RPS12: variants seen among roughly 807,000 people sequenced by gnomAD.
The protein encoded by RPS12 is small ribosomal subunit protein eS12.
Under a neutral mutation model 17.2 loss-of-function variants are expected in RPS12, and 1 was observed. That is an observed-to-expected ratio of 0.06 (90% confidence interval 0.02 to 0.28). The LOEUF (loss-of-function observed/expected upper bound fraction) is 0.28. RPS12 is among the 10% of genes least tolerant of loss of function. The pLI, the probability that RPS12 is intolerant of heterozygous loss-of-function variation, is 1.00. For missense variants in RPS12, 146 were observed against 162.1 expected, an observed-to-expected ratio of 0.90 and a Z score of 0.54; for synonymous variants, 67 against 54.0, an observed-to-expected ratio of 1.24 and a Z score of -1.06.
rs925443519 is a variant in RPS12 at position 132,814,596 on chromosome 6, C to T, written c.-55C>T. 2.8e-5 allele frequency: 23 copies of T among 816,432 alleles called. 1 individual carries two copies. Among genetic ancestry groups the T allele is most frequent in the Middle Eastern group, 4.6e-4 (2 of 4,338 alleles). The allele number at this position is 816,432 out of a possible 1,614,324, so 50.6% of individuals were successfully genotyped here. On this transcript the variant is annotated 5_prime_UTR_variant, in exon 1 of 6. Coordinates refer to ENST00000230050, the MANE Select transcript of RPS12 (RefSeq NM_001016.4). ...CTTTCCCTGCCGCCGCCGAGTCGCG[C>T]GGAGGCGGAGGCTTGGGGTAAGTTG... is the stretch of plus-strand genomic sequence containing the variant.
At chr6:132,814,884 C>A (rs535195650) in intron 2 of RPS12, 88 bp from the exon 3 acceptor site, 2 of 1,416,544 alleles carry the variant, frequency 1.4e-6, no homozygotes, top group Non-Finnish European at 2.0e-6. Flanking sequence ...GCCGTAAGCG[C>A]GTCTGTTGTA....
chr6:132,817,248 T>G (rs202199399), intron 5 of RPS12, 187 bp downstream of exon 5: 3 of 772,574 alleles, frequency 3.9e-6, no homozygotes, highest in Admixed American at 1.7e-5. Flanking sequence ...CTTACCTGAT[T>G]GTGTTTGTGC....
chr6:132,816,820 T>G, intron 4 of RPS12, 140 bp from the exon 5 acceptor site: 4 of 775,890 alleles, frequency 5.2e-6, no homozygotes, highest in Non-Finnish European at 2.3e-6. Flanking sequence ...TGATGACAAC[T>G]GGCTCCCTCT....
chr6:132,814,887 C>G, intron 2 of RPS12, 85 bp from the exon 3 acceptor site: 1 of 1,404,946 alleles, frequency 7.1e-7, no homozygotes, highest in Non-Finnish European at 1.0e-6. Context: ...GTAAGCGCGT[C>G]TGTTGTACAC....
chr6:132,817,280 A>G (rs1249843975), intron 5 of RPS12, 200 bp from the exon 6 acceptor site: 1 of 772,408 alleles, frequency 1.3e-6, no homozygotes, highest in South Asian at 1.4e-5. Flanking sequence ...AAAAACTGGC[A>G]ATAGTAAAGC....
At chr6:132,816,091 C>T (rs1352898981) in intron 3 of RPS12, 2 of 373,882 alleles carry the variant, frequency 5.3e-6, no homozygotes, top group African/African-American at 2.1e-5. Context: ...CCCTCGTCTT[C>T]CCAAAGTGCT....
chr6:132,815,846 C>CTTT (rs557381189), intron 3 of RPS12: 10 of 380,392 alleles, frequency 2.6e-5, no homozygotes, highest in Admixed American at 6.7e-5. Context: ...TTTCTTTTTT[C>CTTT]TTTTTTTTTT....
chr6:132,816,145 T>G, intron 3 of RPS12: 1 of 428,062 alleles, frequency 2.3e-6, no homozygotes, highest in Admixed American at 3.7e-5. Flanking sequence ...TTCACATGTT[T>G]CTTTAGGTAT....
chr6:132,816,408 G>T, intron 3 of RPS12, 53 bp from the exon 4 acceptor site: 2 of 1,361,354 alleles, frequency 1.5e-6, no homozygotes, highest in Non-Finnish European at 1.0e-6. Flanking sequence ...ATGCAAGAAT[G>T]ATGGATTTGG....
chr6:132,816,808 CATG>C (rs750644094), intron 4 of RPS12, 149 bp from the exon 5 acceptor site: 7 of 772,418 alleles, frequency 9.1e-6, no homozygotes, highest in Admixed American at 1.7e-5. Context: ...TAGTGCTGTA[CATG>C]ATGACAACTG....
chr6:132,814,791 AGGGGCC>A lies in RPS12; in HGVS notation c.14+14_14+19del. 6.2e-7 allele frequency: 1 copy of A among 1,612,464 alleles called. No individual in the cohort carries two copies. The highest frequency in any genetic ancestry group is 8.5e-7 in the Non-Finnish European group (1 of 1,178,680). ...GCCATGGCCGAGGAAGGGTGAGCCC[AGGGGCC>A]GGGGTTGGAGTTGGGGTCGGGGTGC... On this transcript the variant is annotated intron_variant, in intron 2 of 5. Transcript: ENST00000230050.
In RPS12 at chr6:132,814,793, G is replaced by T; in HGVS notation, c.14+11G>T. ...CATGGCCGAGGAAGGGTGAGCCCAG[G>T]GGCCGGGGTTGGAGTTGGGGTCGGG... On this transcript the variant is annotated intron_variant, in intron 2 of 5. Coordinates refer to ENST00000230050, the MANE Select transcript of RPS12 (RefSeq NM_001016.4). The T allele has an allele frequency of 5.6e-6, 9 of 1,612,824 alleles. No homozygotes were observed. Among genetic ancestry groups the T allele is most frequent in the Non-Finnish European group, 7.6e-6 (9 of 1,178,950 alleles).
chr6:132,814,979 G>A lies in RPS12; in HGVS notation c.22G>A (p.Ala8Thr), dbSNP rs189654161. 1.2e-6 allele frequency: 2 copies of A among 1,607,368 alleles called. No individual in the cohort carries two copies. Among genetic ancestry groups the A allele is most frequent in the Non-Finnish European group, 1.7e-6 (2 of 1,173,896 alleles). The part of the protein sequence containing the change: MAEEGIA[A>T]GGVMDVNTAL... ...TGATGTGTCGCGTTTAAGCATTGCTGCTGGAGGTGTAATGGACGTTAATAC... is the reference window on the plus strand; with the variant it reads ...TGATGTGTCGCGTTTAAGCATTGCTACTGGAGGTGTAATGGACGTTAATAC... Residue 8 changes from alanine to threonine, a missense_variant, in exon 3 of 6, where the codon GCT becomes ACT. Physicochemically the swap from Ala to Thr is moderately conservative, Grantham distance 58 (BLOSUM62 0). Around this residue, in one of 2 missense-constraint regions of RPS12, gnomAD observed 117 missense variants for 104.6 expected, o/e 1.12. Transcript: ENST00000230050.
Position 132,815,025 on chromosome 6 carries a change from A to C in RPS12, c.68A>C (p.Lys23Thr). The C allele has an allele frequency of 6.2e-7, 1 of 1,613,894 alleles. No homozygotes were observed. The highest frequency in any genetic ancestry group is 8.5e-7 in the Non-Finnish European group (1 of 1,179,840). The change falls in exon 3 of 6, where the codon AAG becomes ACG. Residue 23 changes from lysine to threonine, a missense_variant. Transcript: ENST00000230050. ...DVNTALQEVL[K>T]TALIHDGLAR... The stretch of plus-strand genomic sequence containing the variant: ...AATACTGCTTTACAAGAGGTTCTGA[A>C]GACTGCCCTCATCCACGATGGCCTA...
rs1432872044 is a variant in RPS12 at position 132,816,515 on chromosome 6, C to A, written c.186C>A (p.Val62=). 6.2e-7 allele frequency: 1 copy of A among 1,605,902 alleles called. No individual in the cohort carries two copies. Among genetic ancestry groups the A allele is most frequent in the South Asian group, 1.1e-5 (1 of 91,078 alleles). Residue 62 remains valine, a synonymous_variant, in exon 4 of 6, where the codon GTC becomes GTA. Coordinates refer to ENST00000230050, the MANE Select transcript of RPS12 (RefSeq NM_001016.4). ...CCAACTGTGATGAGCCTATGTATGT[C>A]AAGTTGGTGGAGGCCCTTTGTGCTG... The part of the protein sequence containing the change: ...LASNCDEPMY[V]KLVEALCAEH...
In RPS12 at chr6:132,816,020, C is replaced by T. The variant is rs73624547; in HGVS notation, c.132-441C>T. On this transcript the variant is annotated intron_variant, in intron 3 of 5. Transcript: ENST00000230050. The stretch of plus-strand genomic sequence containing the variant: ...CTAGTTTTTGTACTTTCAGTAGAAA[C>T]GGGGTTTCGCCATGTTGGTCTCTGG... The T allele has an allele frequency of 7.2e-6, 3 of 417,422 alleles. No individual in the cohort carries two copies. In the East Asian group the frequency reaches 2.1e-4, roughly 30 times the overall value. 25.9% of individuals were successfully genotyped at this position (417,422 alleles called of 1,614,324 possible). A position where few individuals can be genotyped will look rare whatever the true frequency, so the allele number is the denominator to read the frequency against.
rs1223928734 is a variant in RPS12 at position 132,814,595 on chromosome 6, G to C, written c.-56G>C. The C allele has an allele frequency of 4.9e-6, 4 of 811,770 alleles. No individual in the cohort carries two copies. In the African/African-American group the frequency reaches 6.8e-5, roughly 14 times the overall value. The allele number at this position is 811,770 out of a possible 1,614,324, so 50.3% of individuals were successfully genotyped here. Reference sequence around the variant, plus strand: ...TCTTTCCCTGCCGCCGCCGAGTCGCGCGGAGGCGGAGGCTTGGGGTAAGTT... The same window carrying C: ...TCTTTCCCTGCCGCCGCCGAGTCGCCCGGAGGCGGAGGCTTGGGGTAAGTT... On this transcript the variant is annotated 5_prime_UTR_variant, in exon 1 of 6. Coordinates refer to ENST00000230050, the MANE Select transcript of RPS12 (RefSeq NM_001016.4).
At chr6:132,814,804 G>C in intron 2 of RPS12, 22 bp downstream of exon 2, 1 of 1,609,254 alleles carries the variant, frequency 6.2e-7, no homozygotes, top group Non-Finnish European at 8.5e-7. Flanking sequence ...GGCCGGGGTT[G>C]GAGTTGGGGT....
chr6:132,817,133 TGAG>T (rs1782080959), intron 5 of RPS12, 72 bp downstream of exon 5: 1 of 991,036 alleles, frequency 1.0e-6, no homozygotes, highest in Non-Finnish European at 1.6e-6. Flanking sequence ...TGAAATAAGT[TGAG>T]GATCTTATAA....
Sources: gnomAD v4.1 joint callset for allele counts on GRCh38, gnomAD v4.1.1 for gene constraint, gnomAD v4.1.1 regional missense constraint, MANE v1.5 for transcripts, NCBI Gene and HGNC (gene_info 2026-07-23, HGNC 2026-07-21) for gene names.